DCAF13: variants seen among roughly 807,000 people sequenced by gnomAD.
DCAF13 encodes the protein DDB1- and CUL4-associated factor 13.
Under a neutral mutation model 59.0 loss-of-function variants are expected in DCAF13, and 38 were observed. That is an observed-to-expected ratio of 0.64 (90% CI 0.50 to 0.84). The LOEUF is 0.84. Ranked by LOEUF, DCAF13 falls within the 40% of genes least tolerant of loss-of-function variation. DCAF13 has a pLI of 0.00. For missense variants in DCAF13, 469 were observed against 558.4 expected (o/e 0.84, Z 1.61); for synonymous variants, 173 against 175.0 (o/e 0.99, Z 0.09).
chr8:103,442,621 A>G, intron 10 of DCAF13, 174 bp from the exon 11 acceptor site: 1 of 464,900 alleles, frequency 2.2e-6, no homozygotes, highest in South Asian at 4.4e-5. Context: ...AGAAGCAATT[A>G]AATAAGTAAA....
At chr8:103,430,795 AT>A in intron 6 of DCAF13, 106 bp downstream of exon 6, 2 of 802,216 alleles carry the variant, frequency 2.5e-6, no homozygotes, top group Non-Finnish European at 3.9e-6. Context: ...AATTAAAAAA[AT>A]CTTTTATACA....
rs1816988484 is a variant in DCAF13, at chr8:103,440,116, A to G, written c.951-20A>G. ...CTGTACCAAAATCCAAAGGGTTTTAACTTAATTCGTTTTCTATAGGGAGGT... is the reference window on the plus strand; with the variant it reads ...CTGTACCAAAATCCAAAGGGTTTTAGCTTAATTCGTTTTCTATAGGGAGGT... On this transcript the variant is annotated intron_variant, in intron 8 of 10. Coordinates refer to ENST00000612750, the MANE Select transcript of DCAF13 (RefSeq NM_015420.7). The G allele has an allele frequency of 6.5e-7, 1 of 1,533,608 alleles. No individual in the cohort carries two copies. The highest frequency in any genetic ancestry group is 1.4e-5 in the African/African-American group (1 of 70,548).
At chr8:103,432,235 A>G (rs889300521) in intron 6 of DCAF13, among the ~76,000 whole-genome samples, 5 of 152,140 alleles carry the variant, frequency 3.3e-5, no homozygotes, top group Admixed American at 2.6e-4. Flanking sequence ...ATCCTGCTCA[A>G]AATGCCAACA....
intron 1 of DCAF13, among the ~76,000 whole-genome samples, chr8:103,418,007 A>G (rs974731510): frequency 6.6e-6 from 1 of 151,872 alleles, no homozygotes; most frequent in Admixed American, 6.6e-5. Context: ...GGGTGCCTGT[A>G]GTCCCAGCTA....
Position 103,441,416 on chromosome 8 carries a change from A to G in DCAF13, c.1087-39A>G, listed in dbSNP as rs375406944. 2.5e-5 allele frequency: 39 copies of G among 1,544,964 alleles called. No homozygotes were observed. The African/African-American group carries it at 4.5e-4, about 18-fold the overall frequency. ...AGCTTTTTTATACTGAAGCAAAACA[A>G]CACACTATTCATTAAGATACCAAAA... On this transcript the variant is annotated intron_variant, in intron 9 of 10. Transcript: ENST00000612750.
At chr8:103,424,700 A>T (rs550727474) in intron 3 of DCAF13, among the ~76,000 whole-genome samples, 37 of 152,306 alleles carry the variant, frequency 2.4e-4, no homozygotes, top group African/African-American at 8.4e-4. Flanking sequence ...CAGAAACTTG[A>T]TGGAGGGATA....
intron 5 of DCAF13, 74 bp downstream of exon 5, chr8:103,427,326 T>C (rs1407967564): frequency 1.5e-6 from 2 of 1,329,150 alleles, no homozygotes; most frequent in Non-Finnish European, 2.1e-6. Context: ...AACTTTTGAA[T>C]GTATGATAGA....
chr8:103,418,870 T>A (rs79033615), intron 1 of DCAF13, among the ~76,000 whole-genome samples: 945 of 20,530 alleles, frequency 0.046, 3 homozygotes, highest in Non-Finnish European at 0.066. Context: ...ATATATATTT[T>A]TTTTTTTTTT....
At chr8:103,415,952 TAA>T (rs1413368524) in intron 1 of DCAF13, among the ~76,000 whole-genome samples, 1 of 152,222 alleles carries the variant, frequency 6.6e-6, no homozygotes. Flanking sequence ...AAGATGAATT[TAA>T]AAGCATCAGT....
chr8:103,443,410 T>A lies in DCAF13; in HGVS notation c.*528T>A, dbSNP rs1297853510. 1.3e-5 allele frequency: 2 copies of A among 152,048 alleles called. No homozygotes were observed. The highest frequency in any genetic ancestry group is 4.8e-5 in the African/African-American group (2 of 41,448). 9.4% of individuals were successfully genotyped at this position (152,048 alleles called of 1,614,324 possible). On this transcript the variant is annotated 3_prime_UTR_variant, in exon 11 of 11. Coordinates refer to ENST00000612750, the MANE Select transcript of DCAF13 (RefSeq NM_015420.7). ...ATAACTTTTATAAATAATAATATAATTTGGGTCAAGTTAAGATATTAAAAG... is the reference window on the plus strand; with the variant it reads ...ATAACTTTTATAAATAATAATATAAATTGGGTCAAGTTAAGATATTAAAAG...
rs552487085 is a variant in DCAF13 at position 103,425,781 on chromosome 8, A to G, written c.379-275A>G. Among the ~76,000 whole-genome samples, 16 of 152,282 alleles carry G rather than the reference A, an allele frequency of 1.1e-4. No homozygotes were observed. The South Asian group carries it at 3.3e-3, about 32-fold the overall frequency. On this transcript the variant is annotated intron_variant, in intron 3 of 10. Coordinates refer to ENST00000612750, the MANE Select transcript of DCAF13 (RefSeq NM_015420.7). ...TAATCCATTTTTTCTCCAAGTTGAA[A>G]TGCCATGTTTATCACAATATGCATG... is the stretch of plus-strand genomic sequence containing the variant.
chr8:103,434,837 A>G (rs1816912159), intron 7 of DCAF13, among the ~76,000 whole-genome samples: 2 of 152,104 alleles, frequency 1.3e-5, no homozygotes, highest in South Asian at 4.1e-4. Context: ...AATTGTGCAT[A>G]AAGTATAGTT....
intron 4 of DCAF13, among the ~76,000 whole-genome samples, chr8:103,426,379 G>A (rs1450498250): frequency 2.0e-5 from 3 of 147,316 alleles, no homozygotes; most frequent in South Asian, 4.3e-4. Flanking sequence ...TTTGATTTCT[G>A]TTTTTAGCCA....
Position 103,421,054 on chromosome 8 carries a change from C to T in DCAF13, c.350C>T (p.Thr117Ile), listed in dbSNP as rs755468577. 2 of 1,612,704 alleles carry T rather than the reference C, an allele frequency of 1.2e-6. No individual in the cohort carries two copies. Among genetic ancestry groups the T allele is most frequent in the Non-Finnish European group, 1.7e-6 (2 of 1,178,948 alleles). Residue 117 changes from threonine (T) to isoleucine (I), a missense_variant, in exon 3 of 11, where the codon ACT becomes ATT. By Grantham distance (89) the Thr-to-Ile change is moderately conservative. Around this residue, in one of 3 missense-constraint regions of DCAF13, gnomAD observed 355 missense variants for 399.1 expected, o/e 0.89. Transcript: ENST00000612750. The part of the protein sequence containing the change: ...AHEGFVRGIC[T>I]RFCGTSFFTV... ...GAAGGCTTTGTACGAGGAATATGTA[C>T]TCGCTTTTGTGGGACTTCTTTTTTC...
intron 2 of DCAF13, 96 bp downstream of exon 2, chr8:103,420,559 G>A (rs892840026): frequency 3.1e-6 from 4 of 1,304,418 alleles, no homozygotes; most frequent in African/African-American, 1.5e-5. Flanking sequence ...TACTTTATTG[G>A]ATTTCAATTT....
intron 2 of DCAF13, chr8:103,420,731 A>G (rs1816711222): frequency 3.4e-6 from 2 of 581,430 alleles, no homozygotes; most frequent in South Asian, 4.6e-5. Context: ...AGATGTTGTC[A>G]ACACCTAATT....
chr8:103,440,331 A>ATTG, intron 9 of DCAF13, 60 bp downstream of exon 9: 2 of 1,422,446 alleles, frequency 1.4e-6, no homozygotes, highest in Non-Finnish European at 1.9e-6. Context: ...ATTAGATATT[A>ATTG]CATTATGAAA....
intron 3 of DCAF13, among the ~76,000 whole-genome samples, chr8:103,425,471 CATT>C (rs774804836): frequency 6.6e-6 from 1 of 152,176 alleles, no homozygotes; most frequent in Non-Finnish European, 1.5e-5. Flanking sequence ...TCTTTACTAA[CATT>C]ATGAAAATAG....
At chr8:103,418,850 A>ATT (rs1451918664) in intron 1 of DCAF13, among the ~76,000 whole-genome samples, 757 of 17,966 alleles carry the variant, frequency 0.042, 31 homozygotes, top group South Asian at 0.17. Flanking sequence ...ATATATATAT[A>ATT]TATATATATA....
Sources: gnomAD v4.1 joint callset for allele counts (sites outside exome capture counted in the v4.1 genomes callset) on GRCh38, gnomAD v4.1.1 for gene constraint, gnomAD v4.1.1 regional missense constraint, MANE v1.5 for transcripts, NCBI Gene and HGNC (gene_info 2026-07-23, HGNC 2026-07-21) for gene names.